AUTS2: variants seen among roughly 807,000 people sequenced by gnomAD.
AUTS2 encodes activator of transcription and developmental regulator AUTS2.
Under a neutral mutation model 112.4 loss-of-function variants are expected in AUTS2, and 17 were observed. The ratio of observed to expected loss-of-function variants is 0.15; its 90% CI spans 0.10 to 0.23. The LOEUF is 0.23. Ranked by LOEUF, AUTS2 falls within the 10% of genes least tolerant of loss-of-function variation. AUTS2 has a pLI of 1.00. For missense variants in AUTS2, 1,510 were observed against 1,701.6 expected (o/e 0.89, Z 1.98); for synonymous variants, 751 against 702.7 (o/e 1.07, Z -1.09).
intron 4 of AUTS2, among the ~76,000 whole-genome samples, chr7:70,276,246 G>C (rs953131864): frequency 1.3e-5 from 2 of 151,996 alleles, no homozygotes; most frequent in African/African-American, 4.8e-5. Context: ...AATATTCAAC[G>C]ATTTCTCAGA....
Position 70,491,148 on chromosome 7 carries a change from AGTGCCTGCC to A in AUTS2, c.690+55371_690+55379del, listed in dbSNP as rs373173128. On this transcript the variant is annotated intron_variant, in intron 5 of 18. Coordinates refer to ENST00000342771, the MANE Select transcript of AUTS2 (RefSeq NM_015570.4). The stretch of plus-strand genomic sequence containing the variant: ...CCTGCTCAGATGTTTACCTGGCAGG[AGTGCCTGCC>A]GTGTCTTTGTGTCATTGTTGCTCTT... Among the ~76,000 whole-genome samples the A allele has an allele frequency of 2.0e-5, 3 of 152,312 alleles. No homozygotes were observed. In the East Asian group the frequency reaches 5.8e-4, roughly 29 times the overall value.
At chr7:70,192,770 TG>T (rs1238266810) in intron 4 of AUTS2, among the ~76,000 whole-genome samples, 1 of 152,204 alleles carries the variant, frequency 6.6e-6, no homozygotes, top group Non-Finnish European at 1.5e-5. Context: ...AAAGGAACTC[TG>T]AAGAAACCAC....
chr7:69,917,905 C>T (rs1052297184), intron 2 of AUTS2, among the ~76,000 whole-genome samples: 3 of 151,880 alleles, frequency 2.0e-5, no homozygotes, highest in East Asian at 1.9e-4. Flanking sequence ...TGCAGTGGCG[C>T]GATCTCGGCT....
chr7:70,326,917 CTT>C (rs552893729), intron 4 of AUTS2, among the ~76,000 whole-genome samples: 1 of 120,672 alleles, frequency 8.3e-6, no homozygotes, highest in African/African-American at 3.2e-5. Flanking sequence ...ATGCTTGGTT[CTT>C]TTTTTTTTTT....
intron 2 of AUTS2, among the ~76,000 whole-genome samples, chr7:70,074,101 G>A (rs1802912795): frequency 6.6e-6 from 1 of 152,112 alleles, no homozygotes; most frequent in African/African-American, 2.4e-5. Flanking sequence ...TAATTTTGTT[G>A]ACATGATCAA....
At chr7:69,708,617 T>G (rs1011431065) in intron 1 of AUTS2, among the ~76,000 whole-genome samples, 7 of 152,254 alleles carry the variant, frequency 4.6e-5, no homozygotes, top group South Asian at 4.1e-4. Context: ...ACACGTAGTC[T>G]TTATTATTGG....
intron 5 of AUTS2, among the ~76,000 whole-genome samples, chr7:70,455,533 G>A (rs778171043): frequency 6.6e-6 from 1 of 152,188 alleles, no homozygotes; most frequent in Non-Finnish European, 1.5e-5. Context: ...GCAGCTGAGC[G>A]TGGAGAGGTG....
chr7:70,731,770 G>C (rs1787415604), intron 6 of AUTS2, among the ~76,000 whole-genome samples: 1 of 151,756 alleles, frequency 6.6e-6, no homozygotes, highest in African/African-American at 2.4e-5. Flanking sequence ...GCTCCATTTG[G>C]TTTCTATTTC....
intron 1 of AUTS2, among the ~76,000 whole-genome samples, chr7:69,888,472 A>G (rs776294227): frequency 6.7e-6 from 1 of 148,558 alleles, no homozygotes; most frequent in Non-Finnish European, 1.5e-5. Context: ...GAGGGCATTA[A>G]TCTATTTATG....
intron 5 of AUTS2, among the ~76,000 whole-genome samples, chr7:70,650,141 A>G (rs144649229): frequency 0.011 from 1,689 of 152,304 alleles, 42 homozygotes; most frequent in African/African-American, 0.038. Flanking sequence ...ACACTCACAG[A>G]CAGGAAGGAA....
chr7:70,257,628 T>G (rs938521256), intron 4 of AUTS2, among the ~76,000 whole-genome samples: 1 of 151,572 alleles, frequency 6.6e-6, no homozygotes, highest in African/African-American at 2.4e-5. Context: ...TGAAGTTTTT[T>G]TTTTTTTTTT....
At chr7:69,847,408 A>C (rs917724571) in intron 1 of AUTS2, among the ~76,000 whole-genome samples, 2 of 152,140 alleles carry the variant, frequency 1.3e-5, no homozygotes, top group Non-Finnish European at 2.9e-5. Flanking sequence ...TTTGTAGATC[A>C]TGGGGAAAAC....
intron 2 of AUTS2, among the ~76,000 whole-genome samples, chr7:70,043,399 C>G (rs892984503): frequency 1.3e-5 from 2 of 152,046 alleles, no homozygotes; most frequent in Non-Finnish European, 2.9e-5. Flanking sequence ...GGCTGCTTCT[C>G]CTTTTACAAT....
In AUTS2 at chr7:70,106,278, G is replaced by C. The variant is rs142786283; in HGVS notation, c.523-11854G>C. ...AATAAGTGACACAGGACAATGTAGG[G>C]TGTGGGGTCGTCCTTGTCATGGTGC... On this transcript the variant is annotated intron_variant, in intron 2 of 18. Transcript: ENST00000342771. Among the ~76,000 whole-genome samples, 197 of 152,320 alleles carry C rather than the reference G, an allele frequency of 1.3e-3. 1 individual carries two copies. The East Asian group carries it at 0.015, about 12-fold the overall frequency.
chr7:70,210,174 C>G (rs949272607), intron 4 of AUTS2, among the ~76,000 whole-genome samples: 1 of 152,180 alleles, frequency 6.6e-6, no homozygotes, highest in Non-Finnish European at 1.5e-5. Context: ...CTTCTCACTT[C>G]CCCACCTCCT....
intron 5 of AUTS2, among the ~76,000 whole-genome samples, chr7:70,518,682 C>CA (rs748207444): frequency 0.017 from 1,844 of 109,532 alleles, 24 homozygotes; most frequent in African/African-American, 0.055. Flanking sequence ...GACTCCGTCT[C>CA]AAAAAAAAAA....
In AUTS2 at chr7:70,765,001, C is replaced by T. The variant is rs143055091; in HGVS notation, c.1464C>T (p.Tyr488=). Residue 488 remains tyrosine, a synonymous_variant, in exon 8 of 19, where the codon TAC becomes TAT. Coordinates refer to ENST00000342771, the MANE Select transcript of AUTS2 (RefSeq NM_015570.4). ...QVAGHPAGST[Y]SEQDILRQEL... ...CCGGACACCCGGCCGGGAGCACTTA[C>T]TCAGGTAGGACGGAGGGGCCTGTGC... The T allele has an allele frequency of 2.2e-4, 353 of 1,613,928 alleles. No homozygotes were observed. In the African/African-American group the frequency reaches 4.2e-3, roughly 19 times the overall value.
At chr7:69,775,981 T>A (rs1245794775) in intron 1 of AUTS2, among the ~76,000 whole-genome samples, 1 of 152,146 alleles carries the variant, frequency 6.6e-6, no homozygotes, top group African/African-American at 2.4e-5. Context: ...ACCATGGGAT[T>A]CTCCTAATCT....
chr7:70,189,148 G>A (rs934958210), intron 4 of AUTS2, among the ~76,000 whole-genome samples: 3 of 152,116 alleles, frequency 2.0e-5, no homozygotes, highest in African/African-American at 7.2e-5. Flanking sequence ...TCATTTCTCA[G>A]GAGAGTGTGC....
Sources: gnomAD v4.1 joint callset for allele counts (sites outside exome capture counted in the v4.1 genomes callset) on GRCh38, gnomAD v4.1.1 for gene constraint, MANE v1.5 for transcripts, NCBI Gene and HGNC (gene_info 2026-07-23, HGNC 2026-07-21) for gene names.